PCDHA13: variants seen among roughly 807,000 people sequenced by gnomAD.
PCDHA13 encodes protocadherin alpha-13.
PCDHA13 carries 54 observed loss-of-function variants against 64.8 expected under a neutral mutation model. The ratio of observed to expected loss-of-function variants is 0.83; its 90% confidence interval spans 0.67 to 1.04. The LOEUF (loss-of-function observed/expected upper bound fraction) is 1.04, where lower values mean the gene tolerates loss of function less well. PCDHA13 is among the 50% of genes least tolerant of loss of function. The probability of loss-of-function intolerance (pLI) is 0.00; values close to 1 mark genes in which losing one functional copy is unlikely to be tolerated. For missense variants in PCDHA13, 1,248 were observed against 1,254.3 expected (o/e 0.99, Z 0.08); for synonymous variants, 587 against 564.4 (o/e 1.04, Z -0.57).
intron 1 of PCDHA13, among the ~76,000 whole-genome samples, chr5:140,905,301 C>T (rs1476283859): frequency 6.6e-6 from 1 of 152,182 alleles, no homozygotes; most frequent in Admixed American, 6.5e-5. Context: ...GGTGTCCTTT[C>T]CACACTTTGT....
At chr5:140,905,197 T>A (rs2071673542) in intron 1 of PCDHA13, among the ~76,000 whole-genome samples, 1 of 152,220 alleles carries the variant, frequency 6.6e-6, no homozygotes. Flanking sequence ...TTGATCCATC[T>A]TGAGTTGATT....
At chr5:140,903,695 A>G (rs1325722558) in intron 1 of PCDHA13, among the ~76,000 whole-genome samples, 9 of 152,238 alleles carry the variant, frequency 5.9e-5, no homozygotes, top group African/African-American at 1.7e-4. Flanking sequence ...AATAGTTTAA[A>G]ATAGTAATAA....
intron 1 of PCDHA13, among the ~76,000 whole-genome samples, chr5:140,942,587 CAT>C (rs2093330311): frequency 6.7e-6 from 1 of 148,732 alleles, no homozygotes; most frequent in East Asian, 2.0e-4. Flanking sequence ...TAGGATGTCA[CAT>C]ATAATTATAG....
At chr5:140,988,085 G>T (rs1490034264) in intron 3 of PCDHA13, among the ~76,000 whole-genome samples, 1 of 152,176 alleles carries the variant, frequency 6.6e-6, no homozygotes, top group East Asian at 1.9e-4. Flanking sequence ...ATGAGTGAGT[G>T]CAGCCTCGGG....
At chr5:140,948,957 C>G (rs1338643900) in intron 1 of PCDHA13, among the ~76,000 whole-genome samples, 2 of 151,542 alleles carry the variant, frequency 1.3e-5, no homozygotes, top group Admixed American at 1.3e-4. Context: ...AAATTAAAGC[C>G]ACGAATTTAT....
chr5:140,953,270 T>A (rs1362290837), intron 1 of PCDHA13, among the ~76,000 whole-genome samples: 6 of 152,152 alleles, frequency 3.9e-5, no homozygotes, highest in Non-Finnish European at 5.9e-5. Flanking sequence ...GCTTTAGCCT[T>A]TGCTCTTTAT....
chr5:140,943,640 A>G (rs1288085106), intron 1 of PCDHA13, among the ~76,000 whole-genome samples: 1 of 152,224 alleles, frequency 6.6e-6, no homozygotes, highest in African/African-American at 2.4e-5. Context: ...TGGATTATGG[A>G]TAAAACCATC....
chr5:140,889,265 A>G (rs900785254), intron 1 of PCDHA13, among the ~76,000 whole-genome samples: 7 of 151,968 alleles, frequency 4.6e-5, no homozygotes, highest in African/African-American at 2.4e-5. Context: ...AAAAGTTTGT[A>G]TAATCTTTGA....
intron 2 of PCDHA13, among the ~76,000 whole-genome samples, chr5:140,981,892 G>A (rs1245605619): frequency 2.0e-5 from 3 of 152,122 alleles, no homozygotes; most frequent in Non-Finnish European, 2.9e-5. Flanking sequence ...TCTTCTGAGC[G>A]GGGATCTGTG....
At chr5:140,988,545 T>C (rs1164667441) in intron 3 of PCDHA13, among the ~76,000 whole-genome samples, 1 of 152,150 alleles carries the variant, frequency 6.6e-6, no homozygotes, top group African/African-American at 2.4e-5. Context: ...ATTCATGACT[T>C]TCTTCATCTT....
intron 1 of PCDHA13, among the ~76,000 whole-genome samples, chr5:140,959,421 TTTG>T (rs1393541693): frequency 6.6e-6 from 1 of 152,102 alleles, no homozygotes; most frequent in East Asian, 1.9e-4. Flanking sequence ...GATCTGAGAA[TTTG>T]TGTATTTTTT....
intron 1 of PCDHA13, among the ~76,000 whole-genome samples, chr5:140,889,446 TTAATC>T (rs1274795213): frequency 7.2e-5 from 11 of 152,204 alleles, no homozygotes; most frequent in African/African-American, 2.4e-4. Flanking sequence ...ATTTTCCTGT[TTAATC>T]TAAATTTTCA....
chr5:140,922,643 C>T (rs1554200906), intron 1 of PCDHA13, among the ~76,000 whole-genome samples: 3 of 152,192 alleles, frequency 2.0e-5, no homozygotes, highest in African/African-American at 7.2e-5. Flanking sequence ...CTCCATCAAA[C>T]AGTAAATATG....
intron 3 of PCDHA13, among the ~76,000 whole-genome samples, chr5:140,983,005 A>G (rs1468544114): frequency 2.0e-5 from 3 of 152,110 alleles, no homozygotes; most frequent in African/African-American, 4.8e-5. Flanking sequence ...AAAGAAAGAA[A>G]AAGGAAGGAA....
At chr5:140,936,419 TTTAA>T (rs1159041231) in intron 1 of PCDHA13, among the ~76,000 whole-genome samples, 4 of 152,184 alleles carry the variant, frequency 2.6e-5, no homozygotes, top group Non-Finnish European at 5.9e-5. Context: ...TGTTACTAAT[TTTAA>T]TTAATTTAAG....
chr5:140,978,717 T>C (rs545119234), intron 1 of PCDHA13, among the ~76,000 whole-genome samples: 1 of 152,390 alleles, frequency 6.6e-6, no homozygotes, highest in East Asian at 1.9e-4. Context: ...TTTACAAGAT[T>C]ATTAAATCTG....
intron 1 of PCDHA13, among the ~76,000 whole-genome samples, chr5:140,957,275 C>T (rs1203444899): frequency 6.6e-6 from 1 of 152,158 alleles, no homozygotes; most frequent in African/African-American, 2.4e-5. Flanking sequence ...CTAGTCCCCC[C>T]TTACCTGCAG....
intron 3 of PCDHA13, among the ~76,000 whole-genome samples, chr5:140,987,644 T>G (rs1461630900): frequency 6.6e-6 from 1 of 152,220 alleles, no homozygotes; most frequent in Non-Finnish European, 1.5e-5. Context: ...TGCACACATA[T>G]TGCAGAATCT....
chr5:140,919,120 C>G (rs1554198933), intron 1 of PCDHA13, among the ~76,000 whole-genome samples: 2 of 152,008 alleles, frequency 1.3e-5, no homozygotes, highest in African/African-American at 4.8e-5. Context: ...CCAGTTTTTG[C>G]TTCATGTGTT....
Sources: allele counts gnomAD v4.1 joint callset (sites outside exome capture counted in the v4.1 genomes callset), GRCh38; gene constraint gnomAD v4.1.1; transcripts MANE v1.5; gene names NCBI Gene and HGNC (gene_info 2026-07-23, HGNC 2026-07-21).